The following PCGF3 variants were observed in gnomAD, a reference collection of about 807,000 sequenced individuals.
The protein encoded by PCGF3 is polycomb group ring finger 3.
A neutral mutation model predicts 33.1 loss-of-function variants in PCGF3; 7 were observed. The observed-to-expected ratio is 0.21, with a 90% CI of 0.12 to 0.40. PCGF3 has a LOEUF of 0.40. PCGF3 is among the 10% of genes least tolerant of loss of function. PCGF3 has a pLI of 1.00. For synonymous variants in PCGF3, 153 were observed against 121.3 expected (o/e 1.26, Z -1.72); for missense variants, 211 against 313.3 (o/e 0.67, Z 2.46).
At chr4:709,144 C>T (rs1386484429) in intron 1 of PCGF3, among the ~76,000 whole-genome samples, 1 of 152,182 alleles carries the variant, frequency 6.6e-6, no homozygotes, top group African/African-American at 2.4e-5. Flanking sequence ...CCCAGGAACC[C>T]TGCTCCCAGA....
exon 11 of PCGF3, chr4:769,849 C>G (rs373502905): frequency 1.3e-5 from 2 of 152,776 alleles, no homozygotes; most frequent in East Asian, 3.9e-4. Flanking sequence ...GTACGGCAGA[C>G]GAAGGCAGTC....
intron 1 of PCGF3, among the ~76,000 whole-genome samples, chr4:710,329 A>G (rs911137680): frequency 2.0e-5 from 3 of 152,246 alleles, no homozygotes; most frequent in Non-Finnish European, 4.4e-5. Context: ...GCCCATGCCT[A>G]GCCAGAGAGG....
intron 3 of PCGF3, among the ~76,000 whole-genome samples, chr4:732,945 C>T (rs750476304): frequency 2.6e-5 from 4 of 152,188 alleles, no homozygotes; most frequent in African/African-American, 9.7e-5. Context: ...TCCCCGAAGG[C>T]GCAGGTCTGG....
intron 6 of PCGF3, among the ~76,000 whole-genome samples, 197 bp downstream of exon 6, chr4:737,718 T>C (rs1244729454): frequency 1.3e-5 from 2 of 152,246 alleles, no homozygotes; most frequent in Non-Finnish European, 2.9e-5. Flanking sequence ...GACATCTTTT[T>C]ACCCCTTATG....
intron 5 of PCGF3, among the ~76,000 whole-genome samples, chr4:736,498 G>A (rs1172656985): frequency 6.8e-6 from 1 of 146,176 alleles, no homozygotes; most frequent in Non-Finnish European, 1.5e-5. Context: ...GGAACCCGGG[G>A]TGTCCGCAGG....
exon 3 of PCGF3, chr4:731,017 C>T (rs938895538): frequency 2.0e-5 from 8 of 398,458 alleles, no homozygotes; most frequent in Admixed American, 1.3e-4. Context: ...GAAGCGAGTC[C>T]GCGTGCGGAG....
At chr4:743,196 G>A (rs989998959) in intron 6 of PCGF3, among the ~76,000 whole-genome samples, 2 of 152,176 alleles carry the variant, frequency 1.3e-5, no homozygotes, top group Non-Finnish European at 2.9e-5. Flanking sequence ...TGACAGTCCC[G>A]CACCTGGGTT....
exon 11 of PCGF3, chr4:770,006 T>A (rs779639721): frequency 2.0e-5 from 3 of 152,688 alleles, no homozygotes; most frequent in Non-Finnish European, 4.4e-5. Context: ...CTTAAATGTT[T>A]TGATTTTATG....
At chr4:766,989 C>T (rs1745408617) in exon 11 of PCGF3, 1 of 152,374 alleles carries the variant, frequency 6.6e-6, no homozygotes, top group African/African-American at 2.4e-5. Context: ...CAGAGCTCTC[C>T]TGGCATCCGT....
At chr4:737,920 G>T (rs1474683975) in intron 6 of PCGF3, among the ~76,000 whole-genome samples, 1 of 152,186 alleles carries the variant, frequency 6.6e-6, no homozygotes, top group Admixed American at 6.5e-5. Flanking sequence ...CGGGTAGCTG[G>T]TGTTTCTAGA....
At chr4:713,694 C>G (rs569244607) in intron 1 of PCGF3, among the ~76,000 whole-genome samples, 1 of 152,140 alleles carries the variant, frequency 6.6e-6, no homozygotes, top group South Asian at 2.1e-4. Context: ...AAACAGTAAC[C>G]GGAAGCTGAT....
intron 6 of PCGF3, 168 bp downstream of exon 6, chr4:737,689 C>A: frequency 1.6e-6 from 1 of 615,194 alleles, no homozygotes; most frequent in Non-Finnish European, 2.9e-6. Context: ...CTGGTCTCTT[C>A]TTTCGTCTAA....
At chr4:714,167 C>T (rs1303550440) in intron 1 of PCGF3, among the ~76,000 whole-genome samples, 1 of 152,154 alleles carries the variant, frequency 6.6e-6, no homozygotes, top group East Asian at 1.9e-4. Context: ...ACCCCACCAG[C>T]CCCCAAATCT....
chr4:753,636 C>T (rs1366331868), intron 8 of PCGF3, among the ~76,000 whole-genome samples: 4 of 145,184 alleles, frequency 2.8e-5, no homozygotes, highest in African/African-American at 7.7e-5. Flanking sequence ...GAGCGAGAGT[C>T]CGGTCTCAAA....
intron 1 of PCGF3, among the ~76,000 whole-genome samples, chr4:706,699 C>A (rs1742321743): frequency 7.6e-6 from 1 of 131,532 alleles, no homozygotes; most frequent in Non-Finnish European, 1.6e-5. Flanking sequence ...GGCAGGGACC[C>A]CAGACCAGGC....
chr4:718,807 G>C (rs1206123903), intron 1 of PCGF3, among the ~76,000 whole-genome samples: 1 of 152,200 alleles, frequency 6.6e-6, no homozygotes, highest in African/African-American at 2.4e-5. Flanking sequence ...CCATGGGGGA[G>C]GCAACTTTAC....
chr4:739,265 A>G (rs1406047301), intron 6 of PCGF3, among the ~76,000 whole-genome samples: 1 of 152,118 alleles, frequency 6.6e-6, no homozygotes, highest in East Asian at 1.9e-4. Flanking sequence ...CAGTGGTGCT[A>G]TCACAGCTCA....
At chr4:722,447 G>A in intron 1 of PCGF3, 1 of 269,330 alleles carries the variant, frequency 3.7e-6, no homozygotes, top group Non-Finnish European at 7.3e-6. Flanking sequence ...GCTGGGTGGA[G>A]AGGAAGGCAT....
intron 1 of PCGF3, among the ~76,000 whole-genome samples, chr4:714,403 TG>T (rs1742715822): frequency 6.6e-6 from 1 of 152,206 alleles, no homozygotes; most frequent in Non-Finnish European, 1.5e-5. Flanking sequence ...GGAGCCTTGC[TG>T]GGAAGGTGAG....
Sources: gnomAD v4.1 joint callset for allele counts (sites outside exome capture counted in the v4.1 genomes callset) on GRCh38, gnomAD v4.1.1 for gene constraint, MANE v1.5 for transcripts, NCBI Gene and HGNC (gene_info 2026-07-23, HGNC 2026-07-21) for gene names.